LMAN1L: variants seen among roughly 807,000 people sequenced by gnomAD.
LMAN1L encodes the protein protein ERGIC-53-like.
In LMAN1L, 60 loss-of-function variants were observed where a neutral mutation model predicts 58.3. That is an observed-to-expected ratio of 1.03 (90% CI 0.84 to 1.27). The LOEUF is 1.27. Ranked by LOEUF, LMAN1L falls within the 50% of genes most tolerant of loss-of-function variation. The pLI, the probability that LMAN1L is intolerant of heterozygous loss-of-function variation, is 0.00. For missense variants in LMAN1L, 629 were observed against 674.0 expected (o/e 0.93, Z 0.74); for synonymous variants, 280 against 271.6 (o/e 1.03, Z -0.31).
At chr15:74,820,013 T>C in intron 6 of LMAN1L, 31 bp from the exon 7 acceptor site, 1 of 1,602,954 alleles carries the variant, frequency 6.2e-7, no homozygotes, top group Non-Finnish European at 8.5e-7. Context: ...GGTGGAGGGG[T>C]CTTACTTCTC....
chr15:74,816,448 A>C lies in LMAN1L; in HGVS notation c.352A>C (p.Arg118=). The C allele has an allele frequency of 6.4e-7, 1 of 1,555,844 alleles. No homozygotes were observed. The highest frequency in any genetic ancestry group is 8.7e-7 in the Non-Finnish European group (1 of 1,147,332). The change falls in exon 3 of 14, where the codon AGG becomes CGG. Residue 118 remains arginine, a synonymous_variant. Transcript: ENST00000309664. The part of the protein sequence containing the change: ...QGMAVWYTRG[R]GHVGSVLGGL... ...GCAGGCCGTGTGGTACACCCGGGGC[A>C]GGGGCCATGTAGGCTCTGTCCTTGG...
At chr15:74,819,621 G>A in intron 6 of LMAN1L, 1 of 486,574 alleles carries the variant, frequency 2.1e-6, no homozygotes, top group Non-Finnish European at 3.7e-6. Context: ...AGGGCAACCA[G>A]AGCGTGGGAG....
chr15:74,817,747 C>A (rs1183169788), intron 4 of LMAN1L, among the ~76,000 whole-genome samples: 1 of 152,196 alleles, frequency 6.6e-6, no homozygotes, highest in African/African-American at 2.4e-5. Flanking sequence ...CACAGTGGCT[C>A]ACGCCTGTAA....
chr15:74,816,850 C>G (rs2063893971), intron 4 of LMAN1L, among the ~76,000 whole-genome samples, 160 bp downstream of exon 4: 2 of 152,198 alleles, frequency 1.3e-5, no homozygotes, highest in South Asian at 4.1e-4. Flanking sequence ...GTCCGCCCCC[C>G]TGGGGCTTGA....
rs756393628 is a variant in LMAN1L, at chr15:74,816,215, C to A, written c.234C>A (p.Gly78=). 17 of 1,573,556 alleles carry A rather than the reference C, an allele frequency of 1.1e-5. No individual in the cohort carries two copies. The East Asian group carries it at 3.8e-4, about 35-fold the overall frequency. The change falls in exon 2 of 14, where the codon GGC becomes GGA. Residue 78 remains glycine, a synonymous_variant. Transcript: ENST00000309664. ...RLTPSMRNRS[G]AVWSRASVPF... is the part of the protein sequence containing the mutation. ...CGCCATCCATGAGGAACCGGAGTGG[C>A]GCCGTGTGGAGCAGGGCCTCTGTCC...
In LMAN1L at chr15:74,821,364, G is replaced by A. The variant is rs1402765062; in HGVS notation, c.1059+138G>A. The A allele has an allele frequency of 6.6e-6, 7 of 1,065,250 alleles. No homozygotes were observed. The African/African-American group carries it at 1.1e-4, about 17-fold the overall frequency. The allele number at this position is 1,065,250 out of a possible 1,614,324, so 66.0% of individuals were successfully genotyped here. A position where few individuals can be genotyped will look rare whatever the true frequency, so the allele number is the denominator to read the frequency against. ...GAAATGCTGCAGGTCACAGGATGGG[G>A]CAGGGCAGCATGCAGGATGGCATCT... On this transcript the variant is annotated intron_variant, in intron 9 of 13. Coordinates refer to ENST00000309664, the MANE Select transcript of LMAN1L (RefSeq NM_021819.3).
At chr15:74,813,064 G>C (rs371441611) in intron 1 of LMAN1L, 35 bp downstream of exon 1, 18 of 1,588,504 alleles carry the variant, frequency 1.1e-5, no homozygotes, top group South Asian at 4.6e-5. Flanking sequence ...CTATGCCCAG[G>C]GTCCCTCAAA....
chr15:74,818,787 A>T lies in LMAN1L; in HGVS notation c.567A>T (p.Ala189=). 1 of 1,611,626 alleles carries T rather than the reference A, an allele frequency of 6.2e-7. No individual in the cohort carries two copies. The highest frequency in any genetic ancestry group is 8.5e-7 in the Non-Finnish European group (1 of 1,179,200). Residue 189 remains alanine (A), a synonymous_variant, in exon 5 of 14, where the codon GCA becomes GCT. Transcript: ENST00000309664. ...GGAACCGGCCACACCCCTTCAGAGC[A>T]CGGATCACCTACTGGGGGCAGAGGC... ...DFRNRPHPFR[A]RITYWGQRLR... is the part of the protein sequence containing the mutation.
chr15:74,821,406 G>A lies in LMAN1L; in HGVS notation c.1059+180G>A, dbSNP rs184823968. On this transcript the variant is annotated intron_variant, in intron 9 of 13. Transcript: ENST00000309664. ...ATGGCATCTCTGCACAAGCAAATGC[G>A]CACGGGGCTGGGGCTGAGGCTGGGG... is the stretch of plus-strand genomic sequence containing the variant. Among the ~76,000 whole-genome samples, 82 of 152,308 alleles carry A rather than the reference G, an allele frequency of 5.4e-4. No homozygotes were observed. The Middle Eastern group carries it at 0.014, about 25-fold the overall frequency.
chr15:74,820,638 C>A lies in LMAN1L; in HGVS notation c.778C>A (p.Pro260Thr). 1 of 1,613,850 alleles carries A rather than the reference C, an allele frequency of 6.2e-7. No individual in the cohort carries two copies. Among genetic ancestry groups the A allele is most frequent in the Non-Finnish European group, 8.5e-7 (1 of 1,179,998 alleles). The change falls in exon 8 of 14, where the codon CCC (proline) becomes ACC (threonine). Residue 260 changes from proline to threonine, a missense_variant. Physicochemically the swap from Pro to Thr is conservative, Grantham distance 38. This residue lies in a region of LMAN1L where 573 missense variants were observed against 597.3 expected (regional missense o/e 0.96). Coordinates refer to ENST00000309664, the MANE Select transcript of LMAN1L (RefSeq NM_021819.3). ...FSLSEPSPEV[P>T]PQPFLEMQQL... The stretch of plus-strand genomic sequence containing the variant: ...ACTTTCTGTCTTCCTCCCCTAGGTT[C>A]CCCCTCAGCCCTTCCTGGAGATGCA...
At chr15:74,822,290 C>T (rs539629884) in intron 10 of LMAN1L, among the ~76,000 whole-genome samples, 89 of 152,304 alleles carry the variant, frequency 5.8e-4, no homozygotes, top group African/African-American at 2.1e-3. Context: ...CGCTTGAACC[C>T]AGGAGGCAGA....
chr15:74,822,786 C>A, intron 11 of LMAN1L, 77 bp downstream of exon 11: 1 of 1,115,114 alleles, frequency 9.0e-7, no homozygotes, highest in Non-Finnish European at 1.4e-6. Flanking sequence ...TCATTCCTTC[C>A]ATCATTTCCT....
rs770236601 is a variant in LMAN1L at position 74,819,287 on chromosome 15, G to A, written c.718+15G>A. 5 of 1,613,496 alleles carry A rather than the reference G, an allele frequency of 3.1e-6. No individual in the cohort carries two copies. Among genetic ancestry groups the A allele is most frequent in the African/African-American group, 1.3e-5 (1 of 74,920 alleles). The stretch of plus-strand genomic sequence containing the variant: ...CACCCTGGCAGGTGAGGATCCCACT[G>A]GACAGGTAAGAGCAGAAGGGCAGTG... On this transcript the variant is annotated intron_variant, in intron 6 of 13. Transcript: ENST00000309664.
At position 74,819,181 on chromosome 15, in the gene LMAN1L, T is replaced by C. The variant is rs778077330; in HGVS notation, c.627T>C (p.Ser209=). ...RMSLNSGLTP[S]DPGEFCVDVG... is the part of the protein sequence containing the mutation. ...CCTTGAACAGTGGCCTCACTCCCAG[T>C]GATCCAGGTGAGTTCTGTGTGGATG... is the stretch of plus-strand genomic sequence containing the variant. Residue 209 remains serine (S), a synonymous_variant, in exon 6 of 14, where the codon AGT becomes AGC. Coordinates refer to ENST00000309664, the MANE Select transcript of LMAN1L (RefSeq NM_021819.3). The C allele has an allele frequency of 6.2e-7, 1 of 1,613,806 alleles. No individual in the cohort carries two copies. The highest frequency in any genetic ancestry group is 8.5e-7 in the Non-Finnish European group (1 of 1,179,806).
chr15:74,824,764 G>C (rs915908829), intron 13 of LMAN1L: 3 of 327,974 alleles, frequency 9.1e-6, no homozygotes, highest in Non-Finnish European at 1.7e-5. Context: ...GAGGGGCTAC[G>C]AGAGTGCAGG....
intron 6 of LMAN1L, 25 bp from the exon 7 acceptor site, chr15:74,820,019 T>C (rs377559062): frequency 1.5e-4 from 236 of 1,610,440 alleles, no homozygotes; most frequent in Non-Finnish European, 2.0e-4. Flanking sequence ...GGGGTCTTAC[T>C]TCTCCTTCAT....
At chr15:74,817,464 T>TGGCGGAA (rs1206962638) in intron 4 of LMAN1L, among the ~76,000 whole-genome samples, 1 of 152,320 alleles carries the variant, frequency 6.6e-6, no homozygotes, top group Admixed American at 6.5e-5. Context: ...GCCTCCCTCT[T>TGGCGGAA]GGCGGAAGGC....
chr15:74,813,434 G>C (rs1431551932), intron 1 of LMAN1L: 1 of 459,418 alleles, frequency 2.2e-6, no homozygotes, highest in African/African-American at 2.0e-5. Flanking sequence ...CCTGTGGCTG[G>C]CCATGAGAAC....
intron 1 of LMAN1L, among the ~76,000 whole-genome samples, chr15:74,814,624 T>C (rs891698121): frequency 2.6e-5 from 4 of 152,028 alleles, no homozygotes; most frequent in African/African-American, 9.7e-5. Flanking sequence ...CCGCCCGCCT[T>C]GGCCTCCCAA....
Sources: allele counts gnomAD v4.1 joint callset (sites outside exome capture counted in the v4.1 genomes callset), GRCh38; gene constraint gnomAD v4.1.1; regional missense constraint gnomAD v4.1.1; transcripts MANE v1.5; gene names NCBI Gene and HGNC (gene_info 2026-07-23, HGNC 2026-07-21).